The following USP42 variants were observed in gnomAD, a reference collection of about 807,000 sequenced individuals.
The protein encoded by USP42 is ubiquitin specific peptidase 42, also known as ubiquitin carboxyl-terminal hydrolase 42.
USP42 carries 23 observed loss-of-function variants against 113.0 expected under a neutral mutation model. The ratio of observed to expected loss-of-function variants is 0.20; its 90% CI spans 0.15 to 0.29. The LOEUF (loss-of-function observed/expected upper bound fraction) is 0.29, where lower values mean the gene tolerates loss of function less well. Among genes scored for constraint, USP42 ranks in the 10% least tolerant of loss-of-function variants. The pLI, the probability that USP42 is intolerant of heterozygous loss-of-function variation, is 1.00. For missense variants in USP42, 2,174 were observed against 1,779.8 expected (o/e 1.22, Z -3.99); for synonymous variants, 933 against 699.0 (o/e 1.33, Z -5.28).
At chr7:6,084,719 T>TC in the USP42 span, 1 of 149,262 alleles carries the variant, frequency 6.7e-6, no homozygotes, top group African/African-American at 2.5e-5. Flanking sequence ...TCGCAAGGAC[T>TC]CTTTTTTTTT....
upstream of USP42, among the ~76,000 whole-genome samples, chr7:6,100,009 A>T (rs4478483): frequency 0.22 from 15,077 of 69,450 alleles, 1,686 homozygotes; most frequent in African/African-American, 0.46. Context: ...CAAGTCTATT[A>T]TTATTATTAT....
At position 6,150,115 on chromosome 7, in the gene USP42, A is replaced by G. The variant is rs760551529; in HGVS notation, c.1919A>G (p.Asp640Gly). 5 of 1,612,612 alleles carry G rather than the reference A, an allele frequency of 3.1e-6. No individual in the cohort carries two copies. The highest frequency in any genetic ancestry group is 4.2e-6 in the Non-Finnish European group (5 of 1,179,290). The change falls in exon 13 of 18, where the codon GAT becomes GGT. Residue 640 changes from aspartate (D) to glycine (G), a missense_variant. Transcript: ENST00000306177. ...TIVSSHSPGQ[D>G]AEDEEATPHE... ...GTGAGCTCCCACTCTCCCGGCCAAG[A>G]TGCCGAAGATGAGGAGGCCACTCCG...
intron 3 of USP42, among the ~76,000 whole-genome samples, chr7:6,129,072 A>G (rs929022702): frequency 1.3e-5 from 2 of 152,110 alleles, no homozygotes; most frequent in African/African-American, 4.8e-5. Flanking sequence ...TCAGGCTCAC[A>G]CAATGCTGGG....
At chr7:6,091,944 G>GA in the USP42 span, among the ~76,000 whole-genome samples, 48 of 149,132 alleles carry the variant, frequency 3.2e-4, no homozygotes, top group African/African-American at 1.1e-3. Flanking sequence ...TATCTGCCTG[G>GA]AAAAAATCCT....
Position 6,139,834 on chromosome 7 carries a change from C to T in USP42, c.657-294C>T, listed in dbSNP as rs921012179. 4 of 473,570 alleles carry T rather than the reference C, an allele frequency of 8.4e-6. No homozygotes were observed. The highest frequency in any genetic ancestry group is 2.3e-5 in the South Asian group (1 of 44,212). 29.3% of individuals were successfully genotyped at this position (473,570 alleles called of 1,614,324 possible). A position where few individuals can be genotyped will look rare whatever the true frequency, so the allele number is the denominator to read the frequency against. Reference sequence around the variant, plus strand: ...TTCCTCCCACACAGGCCGCAGTGCCCGGAGGCTGCCATCTTCCTGCTTCAG... The same window carrying T: ...TTCCTCCCACACAGGCCGCAGTGCCTGGAGGCTGCCATCTTCCTGCTTCAG... On this transcript the variant is annotated intron_variant, in intron 5 of 17. Transcript: ENST00000306177. The surrounding 1 kb of genome is among the most constrained non-coding windows in gnomAD (Gnocchi z 4.5).
At chr7:6,142,283 C>T (rs1424678788) in intron 7 of USP42, among the ~76,000 whole-genome samples, 1 of 149,548 alleles carries the variant, frequency 6.7e-6, no homozygotes, top group East Asian at 2.0e-4. Context: ...GTGGCTCGAT[C>T]TCGGCTCACT....
intron 3 of USP42, among the ~76,000 whole-genome samples, chr7:6,115,883 G>A (rs868031798): frequency 2.6e-5 from 4 of 151,972 alleles, no homozygotes; most frequent in Admixed American, 6.6e-5. Context: ...AGGATCACTC[G>A]AGCCCAAGAG....
intron 3 of USP42, among the ~76,000 whole-genome samples, chr7:6,123,822 G>C (rs935536817): frequency 8.0e-6 from 1 of 125,534 alleles, no homozygotes; most frequent in Non-Finnish European, 1.6e-5. Context: ...AACGAAAGGA[G>C]ACCCTGTCTC....
intron 7 of USP42, among the ~76,000 whole-genome samples, 156 bp from the exon 8 acceptor site, chr7:6,142,776 C>T (rs1195026578): frequency 4.0e-5 from 6 of 151,786 alleles, no homozygotes; most frequent in African/African-American, 1.2e-4. Flanking sequence ...TTTAGCTGCT[C>T]GGGAGGCTGA....
chr7:6,145,591 T>A lies in USP42; in HGVS notation c.1066T>A (p.Leu356Met), dbSNP rs1314983836. The change falls in exon 10 of 18, where the codon TTG becomes ATG. Residue 356 changes from leucine to methionine, a missense_variant. By Grantham distance (15) the Leu-to-Met change is conservative (BLOSUM62 2). Transcript: ENST00000306177. Reference protein sequence around the residue: ...QPNGEPIVYVLYAVLVHTGFN... With the variant: ...QPNGEPIVYVMYAVLVHTGFN... Reference sequence around the variant, plus strand: ...CAACGGAGAGCCAATTGTCTACGTCTTGTATGCAGTGCTGGTCCACACTGG... The same window carrying A: ...CAACGGAGAGCCAATTGTCTACGTCATGTATGCAGTGCTGGTCCACACTGG... The A allele has an allele frequency of 1.2e-6, 2 of 1,614,044 alleles. No homozygotes were observed. Among genetic ancestry groups the A allele is most frequent in the Admixed American group, 3.3e-5 (2 of 60,032 alleles).
intron 3 of USP42, among the ~76,000 whole-genome samples, chr7:6,122,716 C>T (rs376251087): frequency 7.0e-4 from 106 of 152,046 alleles, no homozygotes; most frequent in African/African-American, 2.2e-3. Flanking sequence ...GTGATCCACC[C>T]GCCTCAGCCT....
At position 6,154,870 on chromosome 7, in the gene USP42, G is replaced by T. The variant is rs764254513; in HGVS notation, c.3316G>T (p.Ala1106Ser). 5.2e-6 allele frequency: 8 copies of T among 1,527,022 alleles called. No homozygotes were observed. The African/African-American group carries it at 8.4e-5, about 16-fold the overall frequency. 94.6% of individuals were successfully genotyped at this position (1,527,022 alleles called of 1,614,324 possible). The change falls in exon 15 of 18, where the codon GCC becomes TCC. Residue 1106 changes from alanine to serine, a missense_variant. Physicochemically the swap from Ala to Ser is moderately conservative, Grantham distance 99 (BLOSUM62 1). Coordinates refer to ENST00000306177, the MANE Select transcript of USP42 (RefSeq NM_032172.3). Reference sequence around the variant, plus strand: ...CCGGGGCCGTAGGGGCTGCGAGCCGGCCCGGGAGAGGGAGCGGCACCGCCC... The same window carrying T: ...CCGGGGCCGTAGGGGCTGCGAGCCGTCCCGGGAGAGGGAGCGGCACCGCCC... ...HNRGRRGCEP[A>S]RERERHRPSS...
chr7:6,133,309 G>C (rs564787258), intron 3 of USP42, among the ~76,000 whole-genome samples: 3 of 152,202 alleles, frequency 2.0e-5, no homozygotes, highest in Non-Finnish European at 4.4e-5. Context: ...TTTACCTTCA[G>C]ACTCTAATGA....
At chr7:6,116,749 T>C (rs766415030) in intron 3 of USP42, 1 of 532,696 alleles carries the variant, frequency 1.9e-6, no homozygotes. Flanking sequence ...GTGTTTGTTA[T>C]GCCAGAATTA....
the USP42 span, among the ~76,000 whole-genome samples, chr7:6,082,329 T>C: frequency 3.3e-5 from 5 of 152,042 alleles, no homozygotes; most frequent in East Asian, 1.9e-4. Flanking sequence ...GGGGTTTCAC[T>C]GTGTTAGCCA....
Position 6,111,376 on chromosome 7 carries a change from T to C in USP42, c.241+2T>C. On this transcript the variant is annotated splice_donor_variant, in intron 2 of 17. Coordinates refer to ENST00000306177, the MANE Select transcript of USP42 (RefSeq NM_032172.3). LOFTEE classifies it high-confidence loss of function. ...AACCATCACCACAAAAGGATCAAGG[T>C]ACTGTTTTTCAAAAGAGAGAATTAC... 6.2e-7 allele frequency: 1 copy of C among 1,607,472 alleles called. No homozygotes were observed. Among genetic ancestry groups the C allele is most frequent in the Non-Finnish European group, 8.5e-7 (1 of 1,175,124 alleles).
At chr7:6,111,075 A>G (rs1779572807) in intron 1 of USP42, 50 bp from the exon 2 acceptor site, 1 of 1,559,218 alleles carries the variant, frequency 6.4e-7, no homozygotes, top group African/African-American at 1.4e-5. Flanking sequence ...GGGTAAGGAG[A>G]TTGCTTTTCT....
In USP42 at chr7:6,144,168, C is replaced by G; in HGVS notation, c.962C>G (p.Ala321Gly). 6.3e-7 allele frequency: 1 copy of G among 1,594,558 alleles called. No homozygotes were observed. The highest frequency in any genetic ancestry group is 8.5e-7 in the Non-Finnish European group (1 of 1,173,936). ...NVLTLSLKRF[A>G]NFTGGKIAKD... The stretch of plus-strand genomic sequence containing the variant: ...CTTACACTTTCTCTGAAACGTTTTG[C>G]AAATTTTACCGGTGGAAAAATTGCT... Residue 321 changes from alanine (A) to glycine (G), a missense_variant, in exon 9 of 18, where the codon GCA becomes GGA. Coordinates refer to ENST00000306177, the MANE Select transcript of USP42 (RefSeq NM_032172.3).
At position 6,157,314 on chromosome 7, in the gene USP42, T is replaced by A. The variant is rs371127204; in HGVS notation, c.3943+259T>A. Reference sequence around the variant, plus strand: ...AGCACTACCTGTGTCACCAAAGCCCTGGAACGTACAGCTCTAGGCATCTGA... The same window carrying A: ...AGCACTACCTGTGTCACCAAAGCCCAGGAACGTACAGCTCTAGGCATCTGA... On this transcript the variant is annotated intron_variant, in intron 16 of 17. Transcript: ENST00000306177. This position sits in a 1 kb window ranked among gnomAD's most constrained non-coding sequence, Gnocchi z 4.1. 8.6e-7 allele frequency: 1 copy of A among 1,161,102 alleles called. No homozygotes were observed. The allele number at this position is 1,161,102 out of a possible 1,614,324, so 71.9% of individuals were successfully genotyped here.
Sources: allele counts gnomAD v4.1 joint callset (sites outside exome capture counted in the v4.1 genomes callset), GRCh38; gene constraint gnomAD v4.1.1; non-coding constraint Gnocchi (gnomAD v3.1); transcripts MANE v1.5; gene names NCBI Gene and HGNC (gene_info 2026-07-23, HGNC 2026-07-21).